Variants in SLCO6A1 observed in about 807,000 individuals in gnomAD.
SLCO6A1 encodes the protein solute carrier organic anion transporter family member 6A1.
In SLCO6A1, 65 loss-of-function variants were observed where a neutral mutation model predicts 72.7. The ratio of observed to expected loss-of-function variants is 0.89; its 90% confidence interval spans 0.73 to 1.10. The LOEUF is 1.10. SLCO6A1 is among the 50% of genes least tolerant of loss of function. SLCO6A1 has a pLI of 0.00. For synonymous variants in SLCO6A1, 314 were observed against 298.2 expected, an observed-to-expected ratio of 1.05 and a Z score of -0.55; for missense variants, 874 against 872.6, an observed-to-expected ratio of 1.00 and a Z score of -0.02.
intron 9 of SLCO6A1, among the ~76,000 whole-genome samples, chr5:102,407,922 T>A (rs1901522): frequency 6.6e-6 from 1 of 151,900 alleles, no homozygotes; most frequent in Non-Finnish European, 1.5e-5. Flanking sequence ...CCTGTGAGAC[T>A]TGGAGCAGAG....
chr5:102,459,893 C>T (rs1750936839), intron 4 of SLCO6A1, 116 bp from the exon 5 acceptor site: 3 of 835,952 alleles, frequency 3.6e-6, no homozygotes, highest in Non-Finnish European at 5.2e-6. Flanking sequence ...GAGAGTGAGA[C>T]AGAAATGGAA....
At chr5:102,481,397 T>G (rs1752186815) in intron 1 of SLCO6A1, among the ~76,000 whole-genome samples, 4 of 152,170 alleles carry the variant, frequency 2.6e-5, no homozygotes, top group Admixed American at 1.3e-4. Flanking sequence ...CACCCAGCAT[T>G]GCTCCTGATG....
chr5:102,416,745 T>C (rs1471426507), intron 8 of SLCO6A1, among the ~76,000 whole-genome samples: 1 of 152,142 alleles, frequency 6.6e-6, no homozygotes, highest in Non-Finnish European at 1.5e-5. Context: ...AAAAAATATA[T>C]TAAAAATGTA....
chr5:102,400,827 C>T (rs1161427954), intron 9 of SLCO6A1, among the ~76,000 whole-genome samples: 1 of 151,866 alleles, frequency 6.6e-6, no homozygotes, highest in Non-Finnish European at 1.5e-5. Context: ...TATAAATACC[C>T]AAATATCCAA....
chr5:102,419,419 T>C (rs954306301), intron 8 of SLCO6A1, among the ~76,000 whole-genome samples: 1 of 152,208 alleles, frequency 6.6e-6, no homozygotes, highest in Non-Finnish European at 1.5e-5. Context: ...AATGAGATAT[T>C]ACCCATGCAT....
intron 4 of SLCO6A1, among the ~76,000 whole-genome samples, chr5:102,460,384 AC>A (rs1276676067): frequency 1.3e-5 from 2 of 151,978 alleles, no homozygotes; most frequent in African/African-American, 2.4e-5. Flanking sequence ...GCCTTTGTTC[AC>A]CATAAAGCCT....
At chr5:102,478,148 C>T (rs75127124) in intron 2 of SLCO6A1, among the ~76,000 whole-genome samples, 298 of 151,774 alleles carry the variant, frequency 2.0e-3, no homozygotes, top group African/African-American at 6.6e-3. Context: ...ATTGTGACCC[C>T]GTCTCCAAAA....
At chr5:102,409,480 G>C (rs902608622) in intron 9 of SLCO6A1, among the ~76,000 whole-genome samples, 1 of 144,084 alleles carries the variant, frequency 6.9e-6, no homozygotes, top group Admixed American at 6.7e-5. Flanking sequence ...TTTTTATTTT[G>C]TTAAGATTTT....
chr5:102,413,159 T>C lies in SLCO6A1; in HGVS notation c.1473-16A>G. ...CTTCCCTGTTCTGTAAAAACAAGAT[T>C]GAATGTAATCATATTACCATTGTTT... On this transcript the variant is annotated splice_polypyrimidine_tract_variant and intron_variant, in intron 8 of 13. Transcript: ENST00000506729. 2 of 1,546,310 alleles carry C rather than the reference T, an allele frequency of 1.3e-6. No individual in the cohort carries two copies. The highest frequency in any genetic ancestry group is 1.7e-6 in the Non-Finnish European group (2 of 1,155,764).
chr5:102,460,750 T>C (rs1241096251), intron 4 of SLCO6A1, among the ~76,000 whole-genome samples: 4 of 151,888 alleles, frequency 2.6e-5, no homozygotes, highest in African/African-American at 9.7e-5. Flanking sequence ...AACAACTTCT[T>C]ACAGACCTTG....
chr5:102,455,242 G>C (rs1750647731), intron 6 of SLCO6A1, among the ~76,000 whole-genome samples: 1 of 151,810 alleles, frequency 6.6e-6, no homozygotes, highest in Admixed American at 6.6e-5. Context: ...GTGGAGGACA[G>C]AGGGATAAAA....
In SLCO6A1 at chr5:102,441,696, A is replaced by G. The variant is rs140551189; in HGVS notation, c.1132-2935T>C. Among the ~76,000 whole-genome samples the G allele has an allele frequency of 8.9e-3, 1,361 of 152,168 alleles. 18 individuals are homozygous for G. Among genetic ancestry groups the G allele is most frequent in the African/African-American group, 0.031 (1,279 of 41,548 alleles). Reference sequence around the variant, plus strand: ...AAACATTAACATGGTTTAGCTATCAATTTATCCCAGTCATCTTTAATAATG... The same window carrying G: ...AAACATTAACATGGTTTAGCTATCAGTTTATCCCAGTCATCTTTAATAATG... On this transcript the variant is annotated intron_variant, in intron 6 of 13. Coordinates refer to ENST00000506729, the MANE Select transcript of SLCO6A1 (RefSeq NM_173488.5).
At chr5:102,389,452 A>ACCCCC (rs1203152155) in intron 11 of SLCO6A1, among the ~76,000 whole-genome samples, 1 of 58,056 alleles carries the variant, frequency 1.7e-5, no homozygotes, top group Non-Finnish European at 3.3e-5. Context: ...CCCGCCCCCC[A>ACCCCC]CCCCCACACA....
rs1387799402 is a variant in SLCO6A1 at position 102,412,930 on chromosome 5, T to A, written c.1626+60A>T. ...AGAGGAAGAAGCATAAAAATAATAA[T>A]TATAATATAATGAAAATATAAATGT... On this transcript the variant is annotated intron_variant, in intron 9 of 13. Coordinates refer to ENST00000506729, the MANE Select transcript of SLCO6A1 (RefSeq NM_173488.5). 4 of 736,492 alleles carry A rather than the reference T, an allele frequency of 5.4e-6. No homozygotes were observed. In the Admixed American group the frequency reaches 1.7e-4, roughly 32 times the overall value. The allele number at this position is 736,492 out of a possible 1,614,324, so 45.6% of individuals were successfully genotyped here. A position where few individuals can be genotyped will look rare whatever the true frequency, so the allele number is the denominator to read the frequency against.
chr5:102,490,611 T>C (rs1752629064), intron 1 of SLCO6A1, among the ~76,000 whole-genome samples: 1 of 151,882 alleles, frequency 6.6e-6, no homozygotes, highest in African/African-American at 2.4e-5. Context: ...ATGTCTGGAG[T>C]TTGTTTGTTC....
rs765941633 is a variant in SLCO6A1, at chr5:102,438,752, T to G, written c.1141A>C (p.Lys381Gln). Residue 381 changes from lysine to glutamine, a missense_variant, in exon 7 of 14, where the codon AAG (lysine) becomes CAG (glutamine). Lys to Gln is a moderately conservative substitution (Grantham distance 53). Transcript: ENST00000506729. ...GCTAGGCATATGAGCACTGGATTCT[T>G]CATCAGAATCTGAAATAAAAATAAG... Reference protein sequence around the residue: ...DLCAALWILMKNPVLICLALS... With the variant: ...DLCAALWILMQNPVLICLALS... 7.2e-6 allele frequency: 11 copies of G among 1,533,264 alleles called. No homozygotes were observed. In the African/African-American group the frequency reaches 1.6e-4, roughly 22 times the overall value. The allele number at this position is 1,533,264 out of a possible 1,614,324, so 95.0% of individuals were successfully genotyped here. A position where few individuals can be genotyped will look rare whatever the true frequency, so the allele number is the denominator to read the frequency against.
intron 4 of SLCO6A1, among the ~76,000 whole-genome samples, chr5:102,460,580 G>A (rs931694311): frequency 6.6e-6 from 1 of 152,022 alleles, no homozygotes; most frequent in Non-Finnish European, 1.5e-5. Context: ...GGAGATTAGG[G>A]GAGGTTGATT....
chr5:102,453,457 C>T (rs1750540019), intron 6 of SLCO6A1, among the ~76,000 whole-genome samples: 1 of 152,080 alleles, frequency 6.6e-6, no homozygotes. Flanking sequence ...CCTGAGCCAC[C>T]TCAGAGACAG....
At chr5:102,453,304 T>C (rs1242006068) in intron 6 of SLCO6A1, among the ~76,000 whole-genome samples, 5 of 151,298 alleles carry the variant, frequency 3.3e-5, no homozygotes, top group African/African-American at 9.7e-5. Context: ...TGCTGCTGTG[T>C]TTCAGCCTGG....
Sources: allele counts gnomAD v4.1 joint callset (sites outside exome capture counted in the v4.1 genomes callset), GRCh38; gene constraint gnomAD v4.1.1; transcripts MANE v1.5; gene names NCBI Gene and HGNC (gene_info 2026-07-23, HGNC 2026-07-21).